The following GAS7 variants were observed in gnomAD, a reference collection of about 807,000 sequenced individuals.
GAS7 encodes growth arrest specific 7.
A neutral mutation model predicts 71.1 loss-of-function variants in GAS7; 28 were observed. That is an observed-to-expected ratio of 0.39 (90% CI 0.29 to 0.54). GAS7 has a LOEUF of 0.54. Among genes scored for constraint, GAS7 ranks in the 20% least tolerant of loss-of-function variants. GAS7 has a pLI of 0.62. For synonymous variants in GAS7, 258 were observed against 245.8 expected (o/e 1.05, Z -0.46); for missense variants, 436 against 627.8 (o/e 0.69, Z 3.27).
intron 1 of GAS7, among the ~76,000 whole-genome samples, chr17:10,063,517 A>T (rs1277570917): frequency 6.6e-6 from 1 of 152,222 alleles, no homozygotes. Context: ...TTCTATGATT[A>T]TGCTTATTCC....
intron 2 of GAS7, among the ~76,000 whole-genome samples, chr17:10,008,795 A>ACGCACACACG (rs2071638822): frequency 6.6e-6 from 1 of 152,052 alleles, no homozygotes; most frequent in African/African-American, 2.4e-5. Flanking sequence ...TCACACACAC[A>ACGCACACACG]CGCACACACG....
intron 1 of GAS7, among the ~76,000 whole-genome samples, chr17:10,164,113 G>T (rs148077455): frequency 6.6e-6 from 1 of 152,090 alleles, no homozygotes; most frequent in Non-Finnish European, 1.5e-5. Context: ...GGGCCTCCCT[G>T]CCCCGTTAAT....
intron 1 of GAS7, among the ~76,000 whole-genome samples, chr17:10,052,738 G>C (rs2073079263): frequency 6.6e-6 from 1 of 152,110 alleles, no homozygotes; most frequent in Admixed American, 6.5e-5. Flanking sequence ...CAACTCTCCA[G>C]CCCAGAAGGG....
At position 9,912,022 on chromosome 17, in the gene GAS7, C is replaced by T. The variant is rs561308661; in HGVS notation, c.*5206G>A. On this transcript the variant is annotated 3_prime_UTR_variant, in exon 14 of 14. Coordinates refer to ENST00000432992, the MANE Select transcript of GAS7 (RefSeq NM_201433.2). ...CACCAGCTAGGCAAGGCTCCAGCTGCGACAAGGACTCCATCTTCACGCCTG... is the reference window on the plus strand; with the variant it reads ...CACCAGCTAGGCAAGGCTCCAGCTGTGACAAGGACTCCATCTTCACGCCTG... 18 of 231,922 alleles carry T rather than the reference C, an allele frequency of 7.8e-5. No homozygotes were observed. In the South Asian group the frequency reaches 2.7e-3, roughly 35 times the overall value. 14.4% of individuals were successfully genotyped at this position (231,922 alleles called of 1,614,324 possible). A position where few individuals can be genotyped will look rare whatever the true frequency, so the allele number is the denominator to read the frequency against.
chr17:9,989,581 G>C (rs933930388), intron 2 of GAS7, among the ~76,000 whole-genome samples: 2 of 152,086 alleles, frequency 1.3e-5, no homozygotes, highest in Non-Finnish European at 2.9e-5. Context: ...TTGGGGGAGG[G>C]AGTTGTGCCA....
At chr17:10,172,651 C>T (rs186334199) in intron 1 of GAS7, among the ~76,000 whole-genome samples, 6 of 152,348 alleles carry the variant, frequency 3.9e-5, no homozygotes, top group East Asian at 3.9e-4. Context: ...CTGTGGCTTG[C>T]GCCTCTTACA....
rs375444918 is a variant in GAS7, at chr17:10,087,510, T to C, written c.184-67613A>G. ...CTGCAGACAGTCAATAAAGGTTCAC[T>C]GAGTTCACTGATGAATGAAGAAAGG... On this transcript the variant is annotated intron_variant, in intron 1 of 13. Coordinates refer to ENST00000432992, the MANE Select transcript of GAS7 (RefSeq NM_201433.2). Among the ~76,000 whole-genome samples, 5 of 152,344 alleles carry C rather than the reference T, an allele frequency of 3.3e-5. No homozygotes were observed. The East Asian group carries it at 7.7e-4, about 24-fold the overall frequency.
chr17:10,006,606 G>C (rs1388495678), intron 2 of GAS7, among the ~76,000 whole-genome samples: 1 of 152,110 alleles, frequency 6.6e-6, no homozygotes, highest in Non-Finnish European at 1.5e-5. Flanking sequence ...TGGGATTACA[G>C]GCGCGAGCCA....
chr17:10,015,312 G>T, intron 2 of GAS7, among the ~76,000 whole-genome samples: 1 of 152,204 alleles, frequency 6.6e-6, no homozygotes, highest in Non-Finnish European at 1.5e-5. Flanking sequence ...GATTAAGGGA[G>T]AAAGACTAGA....
intron 1 of GAS7, among the ~76,000 whole-genome samples, chr17:10,070,312 A>G (rs950650750): frequency 2.8e-5 from 4 of 142,340 alleles, no homozygotes; most frequent in African/African-American, 5.2e-5. Flanking sequence ...CCAGCCTCCC[A>G]GCCCAGCTCT....
In GAS7 at chr17:9,940,307, A is replaced by G. The variant is rs147497836; in HGVS notation, c.732-107T>C. 2.5e-4 allele frequency: 197 copies of G among 791,772 alleles called. 1 individual carries two copies. The African/African-American group carries it at 2.9e-3, about 12-fold the overall frequency. The allele number at this position is 791,772 out of a possible 1,614,324, so 49.0% of individuals were successfully genotyped here. ...CGTGGAAAGGAACCCACTAGACCAT[A>G]AGCTCTGAGACCACATGGCTCTTGT... On this transcript the variant is annotated intron_variant, in intron 7 of 13. Transcript: ENST00000432992.
intron 6 of GAS7, among the ~76,000 whole-genome samples, chr17:9,944,667 G>T (rs1273329675): frequency 2.0e-5 from 3 of 152,194 alleles, no homozygotes; most frequent in Admixed American, 2.0e-4. Context: ...CTCCGGCCAC[G>T]CTGCTAACAT....
At chr17:10,046,755 A>AAAAG (rs1311032174) in intron 1 of GAS7, among the ~76,000 whole-genome samples, 2 of 134,880 alleles carry the variant, frequency 1.5e-5, no homozygotes, top group African/African-American at 6.4e-5. Flanking sequence ...AAAAGAAAAG[A>AAAAG]AAAGAAAGAA....
chr17:10,070,628 T>C (rs1426379755), intron 1 of GAS7, among the ~76,000 whole-genome samples: 1 of 152,120 alleles, frequency 6.6e-6, no homozygotes, highest in Admixed American at 6.5e-5. Context: ...CCTCCCAAAG[T>C]GCTGGGATCA....
At chr17:9,927,493 AAAAC>A (rs575200200) in intron 9 of GAS7, among the ~76,000 whole-genome samples, 26 of 151,386 alleles carry the variant, frequency 1.7e-4, no homozygotes, top group East Asian at 3.9e-4. Context: ...AAAAAAAAAC[AAAAC>A]AAACAAACAA....
chr17:10,084,860 G>A (rs1439698357), intron 1 of GAS7, among the ~76,000 whole-genome samples: 1 of 152,142 alleles, frequency 6.6e-6, no homozygotes, highest in Non-Finnish European at 1.5e-5. Context: ...TAATCCAGGT[G>A]CCAGCTCTCC....
At position 10,071,757 on chromosome 17, in the gene GAS7, A is replaced by AAATAAT. The variant is rs148705126; in HGVS notation, c.184-51866_184-51861dup. Among the ~76,000 whole-genome samples the AAATAAT allele has an allele frequency of 2.3e-4, 34 of 150,760 alleles. No individual in the cohort carries two copies. The South Asian group carries it at 2.7e-3, about 12-fold the overall frequency. On this transcript the variant is annotated intron_variant, in intron 1 of 13. Transcript: ENST00000432992. ...CTTGCCAATATGGTGAAACCCCTTC[A>AAATAAT]AATAATAATAATAATAATAATAAAC... is the stretch of plus-strand genomic sequence containing the variant.
At chr17:9,930,740 G>A (rs553488562) in intron 9 of GAS7, among the ~76,000 whole-genome samples, 1 of 152,176 alleles carries the variant, frequency 6.6e-6, no homozygotes, top group African/African-American at 2.4e-5. Flanking sequence ...CATTAAAAAC[G>A]GTTTTTGGCA....
intron 3 of GAS7, among the ~76,000 whole-genome samples, chr17:9,977,913 C>G (rs2070268887): frequency 6.6e-6 from 1 of 152,154 alleles, no homozygotes; most frequent in Non-Finnish European, 1.5e-5. Context: ...AACAAAGCTA[C>G]AACACAAAAG....
Sources: gnomAD v4.1 joint callset for allele counts (sites outside exome capture counted in the v4.1 genomes callset) on GRCh38, gnomAD v4.1.1 for gene constraint, MANE v1.5 for transcripts, NCBI Gene and HGNC (gene_info 2026-07-23, HGNC 2026-07-21) for gene names.